ANK1: variants seen among roughly 807,000 people sequenced by gnomAD.
The protein encoded by ANK1 is ankyrin-1.
ANK1 carries 51 observed loss-of-function variants against 210.4 expected under a neutral mutation model. That is an observed-to-expected ratio of 0.24 (90% CI 0.19 to 0.31). The LOEUF (loss-of-function observed/expected upper bound fraction) is 0.31. Among genes scored for constraint, ANK1 ranks in the 10% least tolerant of loss-of-function variants. ANK1 has a pLI of 1.00. For missense variants in ANK1, 2,051 were observed against 2,504.4 expected, an observed-to-expected ratio of 0.82 and a Z score of 3.86; for synonymous variants, 967 against 1,025.9, an observed-to-expected ratio of 0.94 and a Z score of 1.10.
At chr8:41,661,246 G>A (rs1585795798) in intron 42 of ANK1, 184 bp downstream of exon 42, 2 of 846,748 alleles carry the variant, frequency 2.4e-6, no homozygotes, top group African/African-American at 1.7e-5. Context: ...CCTTGATGAG[G>A]AAGCTGGGGT....
At chr8:41,799,149 A>G (rs745870154), upstream of ANK1, among the ~76,000 whole-genome samples, 2 of 152,226 alleles carry the variant, frequency 1.3e-5, no homozygotes, top group Non-Finnish European at 2.9e-5. Context: ...ACTTGGACTC[A>G]AAACAATGGC....
intron 16 of ANK1, among the ~76,000 whole-genome samples, chr8:41,710,655 GCCCATA>G: frequency 6.6e-6 from 1 of 152,234 alleles, no homozygotes; most frequent in Non-Finnish European, 1.5e-5. Context: ...GCCCACCCAG[GCCCATA>G]GCAGATGGCT....
chr8:41,852,425 C>G (rs975301835), intron 1 of ANK1, among the ~76,000 whole-genome samples: 1 of 152,190 alleles, frequency 6.6e-6, no homozygotes, highest in Admixed American at 6.5e-5. Context: ...AGAGGCTCTG[C>G]TGATGACCCG....
chr8:41,837,511 C>G (rs1020910510), intron 1 of ANK1, among the ~76,000 whole-genome samples: 2 of 152,086 alleles, frequency 1.3e-5, no homozygotes, highest in African/African-American at 4.8e-5. Context: ...GGGATATTTG[C>G]GAAAATTAAA....
intron 1 of ANK1, among the ~76,000 whole-genome samples, chr8:41,772,957 A>G (rs1164835994): frequency 1.3e-5 from 2 of 152,134 alleles, no homozygotes; most frequent in East Asian, 1.9e-4. Flanking sequence ...GTCAGCCACC[A>G]GGAGCATCGC....
intron 2 of ANK1, among the ~76,000 whole-genome samples, chr8:41,754,650 G>C (rs1224887328): frequency 6.6e-6 from 1 of 152,228 alleles, no homozygotes; most frequent in African/African-American, 2.4e-5. Flanking sequence ...TTTTATGCGT[G>C]TTTTAAAGAG....
chr8:41,827,942 A>C (rs1805764919), intron 1 of ANK1, among the ~76,000 whole-genome samples: 2 of 152,088 alleles, frequency 1.3e-5, no homozygotes, highest in Non-Finnish European at 2.9e-5. Flanking sequence ...GCACTCACAC[A>C]TGCATACACA....
chr8:41,738,390 C>A (rs550719052), intron 2 of ANK1, among the ~76,000 whole-genome samples: 2 of 152,244 alleles, frequency 1.3e-5, no homozygotes, highest in Non-Finnish European at 2.9e-5. Flanking sequence ...GTGGTGACAG[C>A]CACAAGTCAC....
chr8:41,732,522 C>T lies in ANK1; in HGVS notation c.228+1449G>A, dbSNP rs558470312. Among the ~76,000 whole-genome samples the T allele has an allele frequency of 1.3e-3, 203 of 152,054 alleles. 1 individual carries two copies. Among genetic ancestry groups the T allele is most frequent in the African/African-American group, 4.7e-3 (194 of 41,462 alleles). ...CCGCCTCCTGGGTTCAAGCGATTCT[C>T]CTGCCTCAGCTTCCCGAGTAGCTGG... On this transcript the variant is annotated intron_variant, in intron 3 of 42. Coordinates refer to ENST00000289734, the MANE Select transcript of ANK1 (RefSeq NM_000037.4).
chr8:41,778,939 G>GAGC (rs1179698778), intron 1 of ANK1, among the ~76,000 whole-genome samples: 1 of 152,214 alleles, frequency 6.6e-6, no homozygotes, highest in East Asian at 1.9e-4. Flanking sequence ...AGAGATAGAG[G>GAGC]AGCAGTAAGA....
At chr8:41,835,649 C>T (rs2150800801) in intron 1 of ANK1, among the ~76,000 whole-genome samples, 1 of 152,320 alleles carries the variant, frequency 6.6e-6, no homozygotes, top group East Asian at 1.9e-4. Context: ...CGCAGGGCTG[C>T]TTCTGTGCAG....
At chr8:41,766,894 CCGCAAGCCAGGT>C (rs1296870651) in intron 1 of ANK1, among the ~76,000 whole-genome samples, 10 of 152,210 alleles carry the variant, frequency 6.6e-5, no homozygotes, top group Non-Finnish European at 1.3e-4. Flanking sequence ...GCCAGACGTG[CCGCAAGCCAGGT>C]CCCCGCCCGG....
At chr8:41,781,390 G>A (rs148287183) in intron 1 of ANK1, among the ~76,000 whole-genome samples, 202 of 152,326 alleles carry the variant, frequency 1.3e-3, no homozygotes, top group Admixed American at 2.5e-3. Context: ...TCCGAGAGAC[G>A]CCTTTTAGGC....
intron 1 of ANK1, among the ~76,000 whole-genome samples, chr8:41,780,028 G>C (rs939952173): frequency 1.3e-5 from 2 of 152,160 alleles, no homozygotes; most frequent in African/African-American, 4.8e-5. Context: ...GTAGCCCCTT[G>C]TTCAGGCCAC....
intron 1 of ANK1, among the ~76,000 whole-genome samples, chr8:41,761,142 CAT>C (rs1491101704): frequency 0.043 from 6,192 of 143,248 alleles, 416 homozygotes; most frequent in African/African-American, 0.14. Flanking sequence ...CACACACACA[CAT>C]GCATGCACAT....
intron 1 of ANK1, among the ~76,000 whole-genome samples, chr8:41,844,852 A>T (rs776948539): frequency 6.6e-6 from 1 of 152,078 alleles, no homozygotes. Context: ...TGAGTGAGAG[A>T]CAGCCAGAGG....
chr8:41,723,315 A>G, intron 8 of ANK1, 92 bp from the exon 9 acceptor site: 2 of 1,393,590 alleles, frequency 1.4e-6, no homozygotes, highest in Non-Finnish European at 2.0e-6. Context: ...ATCCCAGCCC[A>G]CGCAAGTGCT....
At chr8:41,887,645 C>G (rs958062437) in intron 1 of ANK1, among the ~76,000 whole-genome samples, 22 of 152,212 alleles carry the variant, frequency 1.4e-4, no homozygotes, top group African/African-American at 5.3e-4. Flanking sequence ...ATGACCACTG[C>G]TCACATAGTG....
At chr8:41,735,040 C>T (rs748427838) in intron 2 of ANK1, among the ~76,000 whole-genome samples, 1 of 152,184 alleles carries the variant, frequency 6.6e-6, no homozygotes, top group African/African-American at 2.4e-5. Flanking sequence ...CTTGCCCAAC[C>T]CTTAGCCCAC....
Sources: allele counts gnomAD v4.1 joint callset (sites outside exome capture counted in the v4.1 genomes callset), GRCh38; gene constraint gnomAD v4.1.1; transcripts MANE v1.5; gene names NCBI Gene and HGNC (gene_info 2026-07-23, HGNC 2026-07-21).